GUSB: variants seen among roughly 807,000 people sequenced by gnomAD.
GUSB encodes the protein beta-glucuronidase.
GUSB carries 51 observed loss-of-function variants against 74.6 expected under a neutral mutation model. The ratio of observed to expected loss-of-function variants is 0.68; its 90% confidence interval spans 0.55 to 0.86. The LOEUF is 0.86. GUSB is among the 40% of genes least tolerant of loss of function. The pLI, the probability that GUSB is intolerant of heterozygous loss-of-function variation, is 0.00. For missense variants in GUSB, 736 were observed against 853.7 expected (o/e 0.86, Z 1.72); for synonymous variants, 360 against 348.3 (o/e 1.03, Z -0.37).
At chr7:65,961,569 G>A (rs540284641) in intron 11 of GUSB, among the ~76,000 whole-genome samples, 1 of 152,222 alleles carries the variant, frequency 6.6e-6, no homozygotes, top group East Asian at 1.9e-4. Context: ...TCTGTTAGGG[G>A]AAAAAAACCC....
intron 10 of GUSB, among the ~76,000 whole-genome samples, chr7:65,967,409 G>T: frequency 6.6e-6 from 1 of 152,068 alleles, no homozygotes; most frequent in East Asian, 1.9e-4. Context: ...AGCAGTGATC[G>T]CACCACCACA....
intron 11 of GUSB, among the ~76,000 whole-genome samples, chr7:65,962,161 G>GT (rs1230774501): frequency 4.6e-5 from 7 of 152,202 alleles, no homozygotes. Context: ...ATAGCGCCTA[G>GT]TGGGAGCCAG....
intron 4 of GUSB, among the ~76,000 whole-genome samples, chr7:65,978,398 A>C (rs1791734525): frequency 1.3e-5 from 2 of 151,938 alleles, no homozygotes; most frequent in Non-Finnish European, 2.9e-5. Context: ...CAGTGAGCCA[A>C]GAACACGCCA....
At chr7:65,980,185 G>GACACC in intron 2 of GUSB, 39 bp downstream of exon 2, 3 of 725,274 alleles carry the variant, frequency 4.1e-6, no homozygotes, top group South Asian at 1.5e-5. Flanking sequence ...CAGCAGCCGT[G>GACACC]CCCCCCCACC....
At chr7:65,979,230 G>A (rs1456439548) in intron 4 of GUSB, among the ~76,000 whole-genome samples, 169 bp downstream of exon 4, 1 of 152,148 alleles carries the variant, frequency 6.6e-6, no homozygotes, top group East Asian at 1.9e-4. Flanking sequence ...GGGTGATTTT[G>A]GGAGCCCGTA....
chr7:65,963,403 A>G (rs1790628157), intron 11 of GUSB, among the ~76,000 whole-genome samples: 1 of 152,110 alleles, frequency 6.6e-6, no homozygotes, highest in African/African-American at 2.4e-5. Context: ...TCCCACCATT[A>G]CCACATGCTT....
In GUSB at chr7:65,979,883, T is replaced by C. The variant is rs1338800887; in HGVS notation, c.425A>G (p.His142Arg). 7 of 1,608,996 alleles carry C rather than the reference T, an allele frequency of 4.4e-6. No individual in the cohort carries two copies. Among genetic ancestry groups the C allele is most frequent in the Non-Finnish European group, 5.1e-6 (6 of 1,178,612 alleles). ...VWVNGVDTLE[H>R]EGGYLPFEAD... ...CTCGAAGGGGAGGTAGCCCCCCTCA[T>C]GCTCTAGCGTGTCGACCCCATTCAC... is the stretch of plus-strand genomic sequence containing the variant. The change falls in exon 3 of 12, where the codon CAT becomes CGT. Residue 142 changes from histidine to arginine, a missense_variant. His to Arg is a conservative substitution (Grantham distance 29). This residue lies in a region of GUSB where 368 missense variants were observed against 363.8 expected (regional missense o/e 1.01). Coordinates refer to ENST00000304895, the MANE Select transcript of GUSB (RefSeq NM_000181.4).
At chr7:65,967,666 TGGA>T (rs1790924486) in intron 10 of GUSB, 62 bp downstream of exon 10, 1 of 1,337,936 alleles carries the variant, frequency 7.5e-7, no homozygotes, top group African/African-American at 1.4e-5. Context: ...CAGGTCAGGC[TGGA>T]GGAGGTGAGT....
chr7:65,980,123 A>G (rs1302082192), intron 2 of GUSB, 101 bp downstream of exon 2: 3 of 1,222,110 alleles, frequency 2.5e-6, no homozygotes, highest in African/African-American at 1.5e-5. Context: ...ACCCCCCACC[A>G]TCCCACCCCA....
rs1250793520 is a variant in GUSB at position 65,974,621 on chromosome 7, G to T, written c.1149C>A (p.Thr383=). ...CTTCCTCTGCATAGGGGTAGTGGCT[G>T]GTACGGAAAGCGTTGGCACCAAGCC... is the stretch of plus-strand genomic sequence containing the variant. ...LRWLGANAFR[T]SHYPYAEEVM... The change falls in exon 7 of 12, where the codon ACC becomes ACA. Residue 383 remains threonine (T), a synonymous_variant. Coordinates refer to ENST00000304895, the MANE Select transcript of GUSB (RefSeq NM_000181.4). 1.2e-6 allele frequency: 2 copies of T among 1,614,028 alleles called. No homozygotes were observed. The highest frequency in any genetic ancestry group is 1.7e-6 in the Non-Finnish European group (2 of 1,179,938).
chr7:65,980,523 C>G (rs1791937778), intron 1 of GUSB, 114 bp from the exon 2 acceptor site: 1 of 969,596 alleles, frequency 1.0e-6, no homozygotes, highest in Non-Finnish European at 1.6e-6. Flanking sequence ...AGCGGGGATT[C>G]TTGGCAGAAA....
chr7:65,970,786 G>A (rs1791151221), intron 8 of GUSB, among the ~76,000 whole-genome samples: 1 of 152,072 alleles, frequency 6.6e-6, no homozygotes, highest in Non-Finnish European at 1.5e-5. Flanking sequence ...CTACTCAGGA[G>A]GCTGAGGCAG....
chr7:65,977,280 A>G (rs1791647248), intron 4 of GUSB, among the ~76,000 whole-genome samples: 2 of 151,930 alleles, frequency 1.3e-5, no homozygotes, highest in Non-Finnish European at 2.9e-5. Context: ...GGGTTCAAAC[A>G]ATTCTCCCAT....
chr7:65,973,525 T>C (rs1354226026), intron 8 of GUSB, among the ~76,000 whole-genome samples: 1 of 152,074 alleles, frequency 6.6e-6, no homozygotes, highest in East Asian at 1.9e-4. Flanking sequence ...AGGTGAAGGT[T>C]GCAGTGAGAC....
Position 65,974,523 on chromosome 7 carries a change from C to CA in GUSB, c.1244+2dup. On this transcript the variant is annotated splice_region_variant and intron_variant, in intron 7 of 11. Coordinates refer to ENST00000304895, the MANE Select transcript of GUSB (RefSeq NM_000181.4). ...GCGGAGCAGGTGCACAGCAGAGACT[C>CA]ACGGCAGCGCCAGGCCCACGCCGGG... 1 of 1,614,152 alleles carries CA rather than the reference C, an allele frequency of 6.2e-7. No homozygotes were observed.
chr7:65,974,059 T>A (rs1222416418), intron 8 of GUSB, among the ~76,000 whole-genome samples: 1 of 151,564 alleles, frequency 6.6e-6, no homozygotes, highest in Non-Finnish European at 1.5e-5. Context: ...ATCACCCCAC[T>A]GCACTCCAGC....
chr7:65,961,032 C>A lies in GUSB; in HGVS notation c.1821G>T (p.Gly607=), dbSNP rs1295365667. 1 of 1,613,572 alleles carries A rather than the reference C, an allele frequency of 6.2e-7. No individual in the cohort carries two copies. The highest frequency in any genetic ancestry group is 1.7e-5 in the Admixed American group (1 of 59,924). The change falls in exon 12 of 12, where the codon GGG becomes GGT. Residue 607 remains glycine, a synonymous_variant. Coordinates refer to ENST00000304895, the MANE Select transcript of GUSB (RefSeq NM_000181.4). The part of the protein sequence containing the change: ...SPTRVLGNKK[G]IFTRQRQPKS... Reference sequence around the variant, plus strand: ...TTGGTTGTCTCTGCCGAGTGAAGATCCCCTTTTTATTCCCCAGCACTCTCG... The same window carrying A: ...TTGGTTGTCTCTGCCGAGTGAAGATACCCTTTTTATTCCCCAGCACTCTCG...
rs62470935 is a variant in GUSB, at chr7:65,974,456, G to A, written c.1245-15C>T. ...TGAAGAACTGCCTGCGGGCCAGGAG[G>A]GAAGGGACAGAGGGTCACGGTGACG... On this transcript the variant is annotated splice_polypyrimidine_tract_variant and intron_variant, in intron 7 of 11. Transcript: ENST00000304895. The A allele has an allele frequency of 7.1e-3, 11,440 of 1,614,182 alleles. 47 individuals carry two copies. The highest frequency in any genetic ancestry group is 9.1e-3 in the Non-Finnish European group (10,686 of 1,180,032).
intron 11 of GUSB, 199 bp downstream of exon 11, chr7:65,964,124 A>G (rs1790676025): frequency 1.6e-6 from 1 of 629,272 alleles, no homozygotes. Flanking sequence ...CGTATTTGGG[A>G]GGCGGGGGCC....
Sources: gnomAD v4.1 joint callset for allele counts (sites outside exome capture counted in the v4.1 genomes callset) on GRCh38, gnomAD v4.1.1 for gene constraint, gnomAD v4.1.1 regional missense constraint, MANE v1.5 for transcripts, NCBI Gene and HGNC (gene_info 2026-07-23, HGNC 2026-07-21) for gene names.